PCBP2: variants seen among roughly 807,000 people sequenced by gnomAD.
PCBP2 encodes poly(rC)-binding protein 2.
In PCBP2, 4 loss-of-function variants were observed where a neutral mutation model predicts 50.1. The observed-to-expected ratio is 0.08, with a 90% CI of 0.04 to 0.18. The LOEUF is 0.18. Among genes scored for constraint, PCBP2 ranks in the 10% least tolerant of loss-of-function variants. The pLI is 1.00. For synonymous variants in PCBP2, 179 were observed against 168.0 expected (o/e 1.07, Z -0.51); for missense variants, 161 against 474.3 (o/e 0.34, Z 6.14).
chr12:53,467,069 G>A, intron 10 of PCBP2, 152 bp from the exon 11 acceptor site: 1 of 608,830 alleles, frequency 1.6e-6, no homozygotes. Context: ...CAATCCCCAG[G>A]ATTGTGATGC....
intron 13 of PCBP2, among the ~76,000 whole-genome samples, chr12:53,469,379 CTAT>C (rs1942044851): frequency 6.6e-6 from 1 of 151,848 alleles, no homozygotes; most frequent in Admixed American, 6.6e-5. Flanking sequence ...AGAAAATAGA[CTAT>C]TATTGTGTGA....
intron 11 of PCBP2, chr12:53,467,595 C>A: frequency 1.6e-6 from 1 of 620,984 alleles, no homozygotes; most frequent in Non-Finnish European, 2.9e-6. Context: ...CTGCTGCCCC[C>A]TTGATCTGAT....
At chr12:53,474,666 CTG>C (rs1157612816) in intron 14 of PCBP2, among the ~76,000 whole-genome samples, 2 of 152,232 alleles carry the variant, frequency 1.3e-5, no homozygotes, top group African/African-American at 4.8e-5. Context: ...TTAAGTAGCT[CTG>C]TGGAATGGAA....
Position 53,481,067 on chromosome 12 carries a change from TA to T in PCBP2, c.*1626del. 2.7e-6 allele frequency: 1 copy of T among 367,378 alleles called. No homozygotes were observed. Among genetic ancestry groups the T allele is most frequent in the Non-Finnish European group, 4.1e-6 (1 of 243,600 alleles). The allele number at this position is 367,378 out of a possible 1,614,324, so 22.8% of individuals were successfully genotyped here. ...GGATCAGTCTCCCTCGAGCCTGACT[TA>T]CGGCTGGGACAGCCCCATCTTTCTG... is the stretch of plus-strand genomic sequence containing the variant. On this transcript the variant is annotated 3_prime_UTR_variant, in exon 15 of 15. Coordinates refer to ENST00000546463, the MANE Select transcript of PCBP2 (RefSeq NM_031989.5).
rs142182361 is a variant in PCBP2 at position 53,456,760 on chromosome 12, C to T, written c.243+759C>T. Among the ~76,000 whole-genome samples, 270 of 152,156 alleles carry T rather than the reference C, an allele frequency of 1.8e-3. 1 individual carries two copies. In the Middle Eastern group the frequency reaches 0.02, roughly 12 times the overall value. On this transcript the variant is annotated intron_variant, in intron 5 of 14. Transcript: ENST00000546463. ...GGTTTTATCAAGAGTAAGTTTTTCC[C>T]CCACCAACCTTCAGAGGCTGAACTG... is the stretch of plus-strand genomic sequence containing the variant.
At chr12:53,477,665 CAAAAAAAAAAA>C (rs61213286) in intron 14 of PCBP2, among the ~76,000 whole-genome samples, 3,541 of 53,016 alleles carry the variant, frequency 0.067, 208 homozygotes, top group Admixed American at 0.28. Context: ...GACTCTGTCT[CAAAAAAAAAAA>C]AAAAAAAAAA....
At chr12:53,473,993 C>G (rs1027024296) in intron 14 of PCBP2, among the ~76,000 whole-genome samples, 7 of 152,146 alleles carry the variant, frequency 4.6e-5, no homozygotes, top group Non-Finnish European at 1.0e-4. Context: ...GTTGTGGGCT[C>G]AATTGTCCAG....
In PCBP2 at chr12:53,454,732, GC is replaced by G; in HGVS notation, c.-68del. On this transcript the variant is annotated 5_prime_UTR_variant, in exon 2 of 15. Transcript: ENST00000546463. ...GGTCATGTTTGCATTTTAGTTTTTG[GC>G]TTTCACCCCCAACCAGTGACCAAAG... is the stretch of plus-strand genomic sequence containing the variant. The G allele has an allele frequency of 1.5e-6, 2 of 1,315,670 alleles. No individual in the cohort carries two copies. The highest frequency in any genetic ancestry group is 3.5e-5 in the Admixed American group (2 of 57,874). 81.5% of individuals were successfully genotyped at this position (1,315,670 alleles called of 1,614,324 possible). A position where few individuals can be genotyped will look rare whatever the true frequency, so the allele number is the denominator to read the frequency against.
chr12:53,469,991 C>T (rs966350767), intron 13 of PCBP2, among the ~76,000 whole-genome samples: 29 of 151,954 alleles, frequency 1.9e-4, no homozygotes, highest in Non-Finnish European at 3.4e-4. Context: ...CGTGATCCCC[C>T]CCCTTCAGCC....
At chr12:53,472,728 T>TACA (rs1480496469) in intron 14 of PCBP2, among the ~76,000 whole-genome samples, 14 of 152,324 alleles carry the variant, frequency 9.2e-5, no homozygotes, top group African/African-American at 2.9e-4. Context: ...GTGGTCTGTA[T>TACA]TGTGCTTGTA....
Position 53,481,101 on chromosome 12 carries a change from T to C in PCBP2, c.*1659T>C. On this transcript the variant is annotated 3_prime_UTR_variant, in exon 15 of 15. Coordinates refer to ENST00000546463, the MANE Select transcript of PCBP2 (RefSeq NM_031989.5). ...GACAGCCCCATCTTTCTGTTGATTA[T>C]GTGGCGCATATATATATATATATGT... is the stretch of plus-strand genomic sequence containing the variant. 2 of 600,062 alleles carry C rather than the reference T, an allele frequency of 3.3e-6. No homozygotes were observed. The highest frequency in any genetic ancestry group is 4.5e-6 in the Non-Finnish European group (2 of 444,154). 37.2% of individuals were successfully genotyped at this position (600,062 alleles called of 1,614,324 possible). A position where few individuals can be genotyped will look rare whatever the true frequency, so the allele number is the denominator to read the frequency against.
chr12:53,473,781 T>C (rs193145080), intron 14 of PCBP2, among the ~76,000 whole-genome samples: 1 of 152,216 alleles, frequency 6.6e-6, no homozygotes. Flanking sequence ...TTTTTTCCTT[T>C]CTCATTTTTT....
rs114054416 is a variant in PCBP2, at chr12:53,479,330, A to G, written c.1053-76A>G. On this transcript the variant is annotated intron_variant, in intron 14 of 14. Coordinates refer to ENST00000546463, the MANE Select transcript of PCBP2 (RefSeq NM_031989.5). ...CCAGCACTGGTTATTTACTCTTCAC[A>G]TTTCATGAACCAGGTAGAGATGAGG... 2.2e-3 allele frequency: 2,869 copies of G among 1,317,088 alleles called. 41 individuals are homozygous for G. The African/African-American group carries it at 0.037, about 17-fold the overall frequency. The allele number at this position is 1,317,088 out of a possible 1,614,324, so 81.6% of individuals were successfully genotyped here. A position where few individuals can be genotyped will look rare whatever the true frequency, so the allele number is the denominator to read the frequency against.
intron 5 of PCBP2, 98 bp downstream of exon 5, chr12:53,456,099 C>T (rs955999758): frequency 3.9e-6 from 3 of 762,892 alleles, no homozygotes; most frequent in Non-Finnish European, 6.8e-6. Flanking sequence ...CACACTGGAC[C>T]TTGAGACTCG....
In PCBP2 at chr12:53,462,474, C is replaced by A; in HGVS notation, c.505-19C>A. 1 of 1,591,844 alleles carries A rather than the reference C, an allele frequency of 6.3e-7. No homozygotes were observed. The highest frequency in any genetic ancestry group is 8.6e-7 in the Non-Finnish European group (1 of 1,167,472). On this transcript the variant is annotated intron_variant, in intron 7 of 14. Coordinates refer to ENST00000546463, the MANE Select transcript of PCBP2 (RefSeq NM_031989.5). ...AACCTTATCTCTTTTTGTTTTTTTC[C>A]CCTCTGACTCTCTCCCAGTCCCCCC...
chr12:53,471,608 G>A (rs775398501), intron 13 of PCBP2, 30 bp from the exon 14 acceptor site: 6 of 1,589,380 alleles, frequency 3.8e-6, no homozygotes, highest in Admixed American at 3.5e-5. Context: ...ACTCTAATTC[G>A]GTGTGCCTTG....
At chr12:53,454,939 T>C (rs1363158071) in intron 2 of PCBP2, 70 bp downstream of exon 2, 1 of 1,257,828 alleles carries the variant, frequency 8.0e-7, no homozygotes, top group Non-Finnish European at 1.2e-6. Flanking sequence ...CAGACATGCA[T>C]CTTGGAGCTC....
At chr12:53,456,775 A>G (rs1178979206) in intron 5 of PCBP2, among the ~76,000 whole-genome samples, 1 of 152,186 alleles carries the variant, frequency 6.6e-6, no homozygotes, top group Non-Finnish European at 1.5e-5. Flanking sequence ...CAACCTTCAG[A>G]GGCTGAACTG....
Position 53,477,339 on chromosome 12 carries a change from G to T in PCBP2, c.1053-2067G>T, listed in dbSNP as rs1942655836. ...ACCTTTCCTTAGATCATTGTGTTTT[G>T]AAATTGGCACGAATCTACCCCCCTT... On this transcript the variant is annotated intron_variant, in intron 14 of 14. Coordinates refer to ENST00000546463, the MANE Select transcript of PCBP2 (RefSeq NM_031989.5). 2.6e-5 allele frequency among the ~76,000 whole-genome samples: 4 copies of T among 151,974 alleles called. No individual in the cohort carries two copies. The South Asian group carries it at 8.3e-4, about 32-fold the overall frequency.
Sources: allele counts gnomAD v4.1 joint callset (sites outside exome capture counted in the v4.1 genomes callset), GRCh38; gene constraint gnomAD v4.1.1; transcripts MANE v1.5; gene names NCBI Gene and HGNC (gene_info 2026-07-23, HGNC 2026-07-21).